CLSTN2: variants seen among roughly 807,000 people sequenced by gnomAD.
CLSTN2 encodes calsyntenin 2.
CLSTN2 carries 48 observed loss-of-function variants against 101.2 expected under a neutral mutation model. That is an observed-to-expected ratio of 0.47 (90% confidence interval 0.38 to 0.60). CLSTN2 has a LOEUF of 0.60. Among genes scored for constraint, CLSTN2 ranks in the 20% least tolerant of loss-of-function variants. The pLI is 0.00. For missense variants in CLSTN2, 1,160 were observed against 1,238.2 expected, an observed-to-expected ratio of 0.94 and a Z score of 0.95; for synonymous variants, 481 against 463.6, an observed-to-expected ratio of 1.04 and a Z score of -0.48.
intron 1 of CLSTN2, among the ~76,000 whole-genome samples, chr3:139,979,395 G>A (rs752888475): frequency 2.0e-5 from 3 of 152,096 alleles, no homozygotes; most frequent in Non-Finnish European, 4.4e-5. Context: ...AATAACTTTG[G>A]TCCATTTCTC....
Position 140,105,904 on chromosome 3 carries a change from G to A in CLSTN2, c.110-70047G>A, listed in dbSNP as rs540729530. On this transcript the variant is annotated intron_variant, in intron 1 of 16. Coordinates refer to ENST00000458420, the MANE Select transcript of CLSTN2 (RefSeq NM_022131.3). ...AGAAGTCACACTCGGTGACCTAAGAGGTGATGGGGCCTGAGTAAAGCCTCC... is the reference window on the plus strand; with the variant it reads ...AGAAGTCACACTCGGTGACCTAAGAAGTGATGGGGCCTGAGTAAAGCCTCC... Among the ~76,000 whole-genome samples the A allele has an allele frequency of 3.1e-4, 47 of 152,332 alleles. No individual in the cohort carries two copies. In the South Asian group the frequency reaches 5.0e-3, roughly 16 times the overall value.
chr3:140,316,965 T>C (rs1362040919), intron 2 of CLSTN2, among the ~76,000 whole-genome samples: 2 of 152,156 alleles, frequency 1.3e-5, no homozygotes, highest in Non-Finnish European at 2.9e-5. Context: ...GCTGTCAATA[T>C]ACTGATGGGG....
At chr3:140,470,639 G>A (rs779975127) in intron 8 of CLSTN2, among the ~76,000 whole-genome samples, 4 of 152,172 alleles carry the variant, frequency 2.6e-5, no homozygotes, top group East Asian at 1.9e-4. Flanking sequence ...TTGAGTTGGC[G>A]CTTTATCCCC....
chr3:140,343,635 G>C (rs2087513178), intron 2 of CLSTN2, among the ~76,000 whole-genome samples: 2 of 152,162 alleles, frequency 1.3e-5, no homozygotes, highest in African/African-American at 4.8e-5. Context: ...ATCTATATTA[G>C]AAGCTTGTGA....
chr3:140,058,036 T>A (rs2008131666), intron 1 of CLSTN2, among the ~76,000 whole-genome samples: 1 of 152,146 alleles, frequency 6.6e-6, no homozygotes, highest in Non-Finnish European at 1.5e-5. Context: ...AACGGTCCAT[T>A]TCATTAGTAA....
chr3:140,058,095 A>C (rs1301074905), intron 1 of CLSTN2, among the ~76,000 whole-genome samples: 1 of 152,046 alleles, frequency 6.6e-6, no homozygotes, highest in African/African-American at 2.4e-5. Context: ...CATTTAAAAA[A>C]AAAAATTTCA....
intron 5 of CLSTN2, among the ~76,000 whole-genome samples, chr3:140,427,318 A>G (rs1416110879): frequency 6.6e-6 from 1 of 150,904 alleles, no homozygotes; most frequent in East Asian, 1.9e-4. Flanking sequence ...TCAGTGGACC[A>G]TGGTAGATAA....
intron 7 of CLSTN2, 152 bp from the exon 8 acceptor site, chr3:140,466,458 G>C: frequency 3.4e-6 from 3 of 878,900 alleles, no homozygotes; most frequent in Non-Finnish European, 5.3e-6. Context: ...GTGCGTTATA[G>C]AACTATCATC....
chr3:139,972,409 T>C (rs112759823), intron 1 of CLSTN2, among the ~76,000 whole-genome samples: 29 of 152,250 alleles, frequency 1.9e-4, no homozygotes, highest in African/African-American at 7.0e-4. Context: ...AAGGAAATAA[T>C]GATGTTATTG....
intron 8 of CLSTN2, among the ~76,000 whole-genome samples, chr3:140,502,161 C>G (rs1035002652): frequency 1.3e-5 from 2 of 152,184 alleles, no homozygotes; most frequent in Non-Finnish European, 2.9e-5. Context: ...AAAAAGGGAA[C>G]CTTCTCCCAA....
intron 1 of CLSTN2, among the ~76,000 whole-genome samples, chr3:139,968,859 G>A (rs1935647375): frequency 6.6e-6 from 1 of 152,142 alleles, no homozygotes; most frequent in African/African-American, 2.4e-5. Context: ...ATATTGCTAA[G>A]TCGGTTCGCC....
intron 2 of CLSTN2, among the ~76,000 whole-genome samples, chr3:140,235,182 C>A (rs1046100582): frequency 6.6e-6 from 1 of 152,166 alleles, no homozygotes; most frequent in Non-Finnish European, 1.5e-5. Context: ...TCGTTGTGTC[C>A]TCCATGCTTT....
intron 2 of CLSTN2, among the ~76,000 whole-genome samples, chr3:140,215,945 A>G (rs890870041): frequency 3.2e-4 from 49 of 152,196 alleles, no homozygotes; most frequent in African/African-American, 1.2e-3. Context: ...CACAGAGGGA[A>G]TTAGAGCAGG....
Position 140,522,543 on chromosome 3 carries a change from A to G in CLSTN2, c.1345-9781A>G, listed in dbSNP as rs780184981. Among the ~76,000 whole-genome samples the G allele has an allele frequency of 4.7e-4, 72 of 152,238 alleles. 1 individual carries two copies. Among genetic ancestry groups the G allele is most frequent in the Non-Finnish European group, 1.8e-4 (12 of 68,038 alleles). On this transcript the variant is annotated intron_variant, in intron 8 of 16. Coordinates refer to ENST00000458420, the MANE Select transcript of CLSTN2 (RefSeq NM_022131.3). ...CATTGTCATCTAAACTGAACACACA[A>G]TAAGGCTGTTGGAGTAAAGAATGGC...
chr3:140,324,133 A>G (rs889212711), intron 2 of CLSTN2, among the ~76,000 whole-genome samples: 4 of 152,234 alleles, frequency 2.6e-5, no homozygotes, highest in Admixed American at 1.3e-4. Flanking sequence ...CTTGAAAAGT[A>G]CTGTGGGCAC....
chr3:140,399,707 T>C (rs55682612), intron 2 of CLSTN2, among the ~76,000 whole-genome samples: 73,128 of 152,000 alleles, frequency 0.48, 19,212 homozygotes, highest in South Asian at 0.66. Flanking sequence ...ACTTCCATTT[T>C]TTTCTTTTTC....
intron 1 of CLSTN2, among the ~76,000 whole-genome samples, chr3:140,032,422 A>T (rs1576403428): frequency 7.1e-6 from 1 of 140,960 alleles, no homozygotes; most frequent in South Asian, 2.2e-4. Context: ...TGCAACCTCC[A>T]CCCCCGGGTT....
intron 1 of CLSTN2, among the ~76,000 whole-genome samples, chr3:140,028,149 G>C (rs1009132715): frequency 1.3e-5 from 2 of 152,150 alleles, no homozygotes; most frequent in Non-Finnish European, 2.9e-5. Flanking sequence ...ATGATCTCTA[G>C]GACTTCCTGG....
intron 1 of CLSTN2, among the ~76,000 whole-genome samples, chr3:139,947,858 T>TC (rs34368216): frequency 1.3e-5 from 2 of 151,816 alleles, no homozygotes; most frequent in African/African-American, 4.8e-5. Context: ...ATTTTTTTTT[T>TC]CCTTTTTTAA....
Sources: gnomAD v4.1 joint callset for allele counts (sites outside exome capture counted in the v4.1 genomes callset) on GRCh38, gnomAD v4.1.1 for gene constraint, MANE v1.5 for transcripts, NCBI Gene and HGNC (gene_info 2026-07-23, HGNC 2026-07-21) for gene names.